The following IRAG1 variants were observed in gnomAD, a reference collection of about 807,000 sequenced individuals.
The protein encoded by IRAG1 is inositol 1,4,5-triphosphate receptor associated 1.
A neutral mutation model predicts 106.2 loss-of-function variants in IRAG1; 62 were observed. That is an observed-to-expected ratio of 0.58 (90% confidence interval 0.48 to 0.72). The LOEUF (loss-of-function observed/expected upper bound fraction) is 0.72, where lower values mean the gene tolerates loss of function less well. IRAG1 is among the 30% of genes least tolerant of loss of function. IRAG1 has a pLI of 0.00. For synonymous variants in IRAG1, 462 were observed against 443.9 expected (o/e 1.04, Z -0.51); for missense variants, 1,064 against 1,140.7 (o/e 0.93, Z 0.97).
chr11:10,586,078 G>A (rs1851942720), intron 18 of IRAG1: 1 of 152,100 alleles, frequency 6.6e-6, no homozygotes. Context: ...CCTCAGGCTG[G>A]ACCATGGCTT....
At chr11:10,583,738 G>C (rs1385478191) in intron 18 of IRAG1, among the ~76,000 whole-genome samples, 4 of 152,140 alleles carry the variant, frequency 2.6e-5, no homozygotes, top group African/African-American at 9.7e-5. Flanking sequence ...CTTTGCAAAA[G>C]GAAATAGGGA....
chr11:10,599,648 C>G (rs991171527), intron 15 of IRAG1: 2 of 152,196 alleles, frequency 1.3e-5, no homozygotes, highest in Non-Finnish European at 2.9e-5. Flanking sequence ...TCTGTACTTT[C>G]CCTTCTGCAG....
At position 10,593,553 on chromosome 11, in the gene IRAG1, T is replaced by C; in HGVS notation, c.2114A>G (p.Asn705Ser). 1 of 1,613,794 alleles carries C rather than the reference T, an allele frequency of 6.2e-7. No homozygotes were observed. The highest frequency in any genetic ancestry group is 8.5e-7 in the Non-Finnish European group (1 of 1,179,774). ...RVSVAVVPKF[N>S]ALNLPGQTPS... is the part of the protein sequence containing the mutation. ...AGTTTGGCCAGGCAGATTCAGGGCA[T>C]TAAACTTAGGAACCACAGCAACGCT... Residue 705 changes from asparagine (N) to serine (S), a missense_variant, in exon 17 of 21, where the codon AAT becomes AGT. Transcript: ENST00000423302.
intron 2 of IRAG1, among the ~76,000 whole-genome samples, chr11:10,645,115 T>C (rs1025738653): frequency 1.1e-4 from 16 of 152,144 alleles, no homozygotes; most frequent in Non-Finnish European, 4.4e-5. Flanking sequence ...CCTTAGTTAG[T>C]TAATGCTCAA....
intron 10 of IRAG1, among the ~76,000 whole-genome samples, chr11:10,612,084 A>T (rs11828221): frequency 6.6e-6 from 1 of 152,184 alleles, no homozygotes; most frequent in Admixed American, 6.5e-5. Context: ...AGTGAATGGC[A>T]GGAGACACAT....
chr11:10,623,675 T>C, intron 10 of IRAG1, 103 bp downstream of exon 10: 3 of 1,089,142 alleles, frequency 2.8e-6, no homozygotes, highest in Admixed American at 1.8e-5. Context: ...AAATGTTTCC[T>C]GAGGAAGACA....
intron 19 of IRAG1, among the ~76,000 whole-genome samples, chr11:10,581,043 G>A (rs1027459946): frequency 2.0e-5 from 3 of 152,166 alleles, no homozygotes; most frequent in African/African-American, 4.8e-5. Flanking sequence ...AAATGTTTAC[G>A]AAACCAATGA....
chr11:10,666,303 G>A (rs112342306), intron 1 of IRAG1, among the ~76,000 whole-genome samples: 26 of 152,328 alleles, frequency 1.7e-4, no homozygotes, highest in African/African-American at 5.8e-4. Flanking sequence ...TCTTACAGGT[G>A]AGAAAATTGA....
chr11:10,690,115 G>A, intron 1 of IRAG1: 1 of 201,254 alleles, frequency 5.0e-6, no homozygotes, highest in Non-Finnish European at 1.0e-5. Flanking sequence ...GTCTGGCCGG[G>A]TGCGATGGCT....
chr11:10,651,726 G>A (rs1858524918), intron 2 of IRAG1, among the ~76,000 whole-genome samples: 1 of 152,172 alleles, frequency 6.6e-6, no homozygotes, highest in Admixed American at 6.5e-5. Flanking sequence ...TCTCATATAA[G>A]TCCTTCTCCG....
At chr11:10,673,440 T>C (rs1010607743) in intron 1 of IRAG1, among the ~76,000 whole-genome samples, 3 of 152,114 alleles carry the variant, frequency 2.0e-5, no homozygotes, top group Admixed American at 2.0e-4. Context: ...AAAATGCCCA[T>C]AATAGAGAAA....
In IRAG1 at chr11:10,575,154, G is replaced by A. The variant is rs1850753379; in HGVS notation, c.*1178C>T. ...ATGAAGGCAGTGGCTGTAAAAGTGG[G>A]GAGAGAAGTCAAAATGGAGAGGGGA... On this transcript the variant is annotated 3_prime_UTR_variant, in exon 21 of 21. Coordinates refer to ENST00000423302, the MANE Select transcript of IRAG1 (RefSeq NM_130385.4). The A allele has an allele frequency of 6.6e-6, 1 of 152,186 alleles. No homozygotes were observed. Among genetic ancestry groups the A allele is most frequent in the Admixed American group, 6.5e-5 (1 of 15,280 alleles). 9.4% of individuals were successfully genotyped at this position (152,186 alleles called of 1,614,324 possible).
At chr11:10,612,513 G>T (rs1231204174) in intron 10 of IRAG1, among the ~76,000 whole-genome samples, 1 of 152,082 alleles carries the variant, frequency 6.6e-6, no homozygotes, top group African/African-American at 2.4e-5. Flanking sequence ...TCCCAGCTAA[G>T]GTAGGAAGGA....
At chr11:10,649,663 C>T (rs1055213610) in intron 2 of IRAG1, among the ~76,000 whole-genome samples, 1 of 152,182 alleles carries the variant, frequency 6.6e-6, no homozygotes, top group African/African-American at 2.4e-5. Context: ...CCTTCCTAAC[C>T]ATCACAGCTT....
chr11:10,644,470 T>A (rs1857782964), intron 2 of IRAG1, among the ~76,000 whole-genome samples: 1 of 152,242 alleles, frequency 6.6e-6, no homozygotes, highest in African/African-American at 2.4e-5. Flanking sequence ...TCAGAGAAGA[T>A]GAATTCAAAA....
intron 8 of IRAG1, among the ~76,000 whole-genome samples, chr11:10,627,347 C>A (rs1035888971): frequency 6.6e-6 from 1 of 152,180 alleles, no homozygotes; most frequent in African/African-American, 2.4e-5. Flanking sequence ...GAGGTTTTCC[C>A]GGCTTCCCCA....
At chr11:10,577,864 T>A (rs1272501732) in intron 20 of IRAG1, among the ~76,000 whole-genome samples, 3 of 152,216 alleles carry the variant, frequency 2.0e-5, no homozygotes, top group African/African-American at 7.2e-5. Flanking sequence ...AGCACGAAAG[T>A]GAACACATTC....
Position 10,585,756 on chromosome 11 carries a change from G to A in IRAG1, c.2241-3770C>T, listed in dbSNP as rs571032040. Reference sequence around the variant, plus strand: ...TCTGACTGCACTATCTGCCACCTAGGTGGGGTATTATCCCATTTCACAGAT... The same window carrying A: ...TCTGACTGCACTATCTGCCACCTAGATGGGGTATTATCCCATTTCACAGAT... On this transcript the variant is annotated intron_variant, in intron 18 of 20. Transcript: ENST00000423302. Among the ~76,000 whole-genome samples the A allele has an allele frequency of 2.6e-5, 4 of 152,168 alleles. No individual in the cohort carries two copies. The South Asian group carries it at 8.3e-4, about 32-fold the overall frequency.
Position 10,626,478 on chromosome 11 carries a change from CA to C in IRAG1, c.855del (p.Ile285MetfsTer3). On this transcript the variant is annotated frameshift_variant, in exon 9 of 21. Coordinates refer to ENST00000423302, the MANE Select transcript of IRAG1 (RefSeq NM_130385.4). LOFTEE classifies it high-confidence loss of function. Reference sequence around the variant, plus strand: ...TCGAAGTTTTCCTTTTGTTCTATTGCAATCTCTTTGGACTTCTCAACTGGAG... The same window carrying C: ...TCGAAGTTTTCCTTTTGTTCTATTGCATCTCTTTGGACTTCTCAACTGGAG... ...RPPPVEKSKE[I>X]AIEQKENFDP... 1 of 1,613,756 alleles carries C rather than the reference CA, an allele frequency of 6.2e-7. No homozygotes were observed. The highest frequency in any genetic ancestry group is 8.5e-7 in the Non-Finnish European group (1 of 1,179,792).
Sources: allele counts gnomAD v4.1 joint callset (sites outside exome capture counted in the v4.1 genomes callset), GRCh38; gene constraint gnomAD v4.1.1; transcripts MANE v1.5; gene names NCBI Gene and HGNC (gene_info 2026-07-23, HGNC 2026-07-21).